B3GAT2: variants seen among roughly 807,000 people sequenced by gnomAD.
B3GAT2 encodes the protein galactosylgalactosylxylosylprotein 3-beta-glucuronosyltransferase 2.
In B3GAT2, 26 loss-of-function variants were observed where a neutral mutation model predicts 27.8. The observed-to-expected ratio is 0.93, with a 90% CI of 0.68 to 1.30. The LOEUF is 1.30. B3GAT2 is among the 50% of genes most tolerant of loss of function. The pLI, the probability that B3GAT2 is intolerant of heterozygous loss-of-function variation, is 0.00. For missense variants in B3GAT2, 458 were observed against 459.0 expected, an observed-to-expected ratio of 1.00 and a Z score of 0.02; for synonymous variants, 218 against 195.1, an observed-to-expected ratio of 1.12 and a Z score of -0.98.
rs1331669977 is a variant in B3GAT2, at chr6:70,955,731, G to A, written c.591+108C>T. 5 of 1,284,396 alleles carry A rather than the reference G, an allele frequency of 3.9e-6. No individual in the cohort carries two copies. The African/African-American group carries it at 4.7e-5, about 12-fold the overall frequency. 79.6% of individuals were successfully genotyped at this position (1,284,396 alleles called of 1,614,324 possible). A position where few individuals can be genotyped will look rare whatever the true frequency, so the allele number is the denominator to read the frequency against. ...GCCCCGAATGCGCGCACGGAGAACTGAGAACTCAAAAGTGCACCCGGAGTG... is the reference window on the plus strand; with the variant it reads ...GCCCCGAATGCGCGCACGGAGAACTAAGAACTCAAAAGTGCACCCGGAGTG... On this transcript the variant is annotated intron_variant, in intron 1 of 3. Transcript: ENST00000230053.
At chr6:70,925,236 C>T (rs1050342437) in intron 1 of B3GAT2, among the ~76,000 whole-genome samples, 20 of 152,112 alleles carry the variant, frequency 1.3e-4, no homozygotes, top group Admixed American at 7.2e-4. Flanking sequence ...GCGTGAGTGA[C>T]GCAGAAGACA....
intron 1 of B3GAT2, among the ~76,000 whole-genome samples, chr6:70,940,714 G>A (rs1765379441): frequency 2.0e-5 from 3 of 152,090 alleles, no homozygotes; most frequent in Admixed American, 1.3e-4. Flanking sequence ...CATCACCTGA[G>A]GTCAGGAGTT....
chr6:70,871,633 CTAAG>C (rs1771940246), intron 2 of B3GAT2, among the ~76,000 whole-genome samples: 1 of 151,900 alleles, frequency 6.6e-6, no homozygotes, highest in South Asian at 2.1e-4. Flanking sequence ...TCTTGACAGT[CTAAG>C]TAAAGGTTTC....
intron 1 of B3GAT2, among the ~76,000 whole-genome samples, chr6:70,940,563 G>A (rs188040712): frequency 8.5e-5 from 13 of 152,144 alleles, no homozygotes; most frequent in South Asian, 8.3e-4. Context: ...TTGTGCCAAC[G>A]ATAATCACTG....
chr6:70,897,788 T>A (rs888164329), intron 1 of B3GAT2, among the ~76,000 whole-genome samples: 1 of 152,056 alleles, frequency 6.6e-6, no homozygotes, highest in African/African-American at 2.4e-5. Context: ...CAGTTAATTT[T>A]TATATATGGT....
chr6:70,902,637 T>TATATATATATATATATATAC (rs1491331231), intron 1 of B3GAT2, among the ~76,000 whole-genome samples: 2 of 133,424 alleles, frequency 1.5e-5, no homozygotes, highest in East Asian at 2.4e-4. Flanking sequence ...TATATATATA[T>TATATATATATATATATATAC]ACACACACAC....
chr6:70,912,616 C>A (rs571186343), intron 1 of B3GAT2, among the ~76,000 whole-genome samples: 1 of 151,112 alleles, frequency 6.6e-6, no homozygotes, highest in Admixed American at 6.6e-5. Flanking sequence ...TCCCAGTTTT[C>A]GTTATCAGGA....
At chr6:70,885,661 C>A (rs1772173048) in intron 2 of B3GAT2, among the ~76,000 whole-genome samples, 1 of 152,128 alleles carries the variant, frequency 6.6e-6, no homozygotes, top group Non-Finnish European at 1.5e-5. Context: ...AGTGATCTCA[C>A]AAAGCTACAA....
In B3GAT2 at chr6:70,928,403, G is replaced by T. The variant is rs901287512; in HGVS notation, c.591+27436C>A. 2.6e-4 allele frequency among the ~76,000 whole-genome samples: 40 copies of T among 151,958 alleles called. 1 individual carries two copies. Among genetic ancestry groups the T allele is most frequent in the Admixed American group, 2.3e-3 (35 of 15,252 alleles). On this transcript the variant is annotated intron_variant, in intron 1 of 3. Coordinates refer to ENST00000230053, the MANE Select transcript of B3GAT2 (RefSeq NM_080742.3). ...AAAAAATCAATGAATCTAGGAATTG[G>T]TTTTTTGAAAAGATCAACAAAATTG... is the stretch of plus-strand genomic sequence containing the variant.
intron 2 of B3GAT2, among the ~76,000 whole-genome samples, chr6:70,870,444 T>A (rs928229546): frequency 6.8e-5 from 10 of 147,532 alleles, no homozygotes; most frequent in African/African-American, 2.5e-4. Context: ...TAATGCTAAA[T>A]GACGAGTTAA....
intron 2 of B3GAT2, among the ~76,000 whole-genome samples, chr6:70,871,222 GTTTTTT>G (rs11367700): frequency 1.5e-5 from 1 of 65,632 alleles, no homozygotes; most frequent in Non-Finnish European, 3.7e-5. Context: ...TTTTTTTTTT[GTTTTTT>G]TTTTTTCTTC....
At chr6:70,943,211 T>C (rs781149602) in intron 1 of B3GAT2, among the ~76,000 whole-genome samples, 46 of 152,220 alleles carry the variant, frequency 3.0e-4, no homozygotes, top group Admixed American at 1.4e-3. Flanking sequence ...ATTTTGTTTT[T>C]AATCCAAGGA....
At chr6:70,926,168 G>C (rs1441094074) in intron 1 of B3GAT2, among the ~76,000 whole-genome samples, 1 of 152,136 alleles carries the variant, frequency 6.6e-6, no homozygotes, top group African/African-American at 2.4e-5. Context: ...AACCCCATCT[G>C]TAGGTCACCA....
chr6:70,900,407 CTCTT>C (rs1772478125), intron 1 of B3GAT2, among the ~76,000 whole-genome samples: 1 of 119,612 alleles, frequency 8.4e-6, no homozygotes, highest in East Asian at 2.8e-4. Flanking sequence ...CAACAACCGG[CTCTT>C]TTTTTTTTTT....
chr6:70,908,706 TA>T (rs1347062124), intron 1 of B3GAT2, among the ~76,000 whole-genome samples: 2 of 151,992 alleles, frequency 1.3e-5, no homozygotes, highest in Non-Finnish European at 2.9e-5. Flanking sequence ...TGACTAAGGA[TA>T]AGGATAAAGG....
At chr6:70,937,784 A>C (rs1582393594) in intron 1 of B3GAT2, among the ~76,000 whole-genome samples, 1 of 152,192 alleles carries the variant, frequency 6.6e-6, no homozygotes, top group Admixed American at 6.5e-5. Flanking sequence ...TGACAAGCCC[A>C]CAGCCAATAT....
chr6:70,890,266 C>T (rs769085828), intron 2 of B3GAT2, among the ~76,000 whole-genome samples: 4 of 152,212 alleles, frequency 2.6e-5, no homozygotes, highest in East Asian at 1.9e-4. Context: ...CTGGCTCCCC[C>T]CCTGCAGTCA....
rs371365990 is a variant in B3GAT2 at position 70,933,953 on chromosome 6, G to A, written c.591+21886C>T. On this transcript the variant is annotated intron_variant, in intron 1 of 3. Transcript: ENST00000230053. ...TATTATTATCAGGTCCTATGAGGGA[G>A]CTGGATATCAGGGCTTTTCCTCATT... 3.8e-4 allele frequency among the ~76,000 whole-genome samples: 58 copies of A among 152,342 alleles called. 1 individual carries two copies. The East Asian group carries it at 0.01, about 26-fold the overall frequency.
chr6:70,927,474 G>A (rs1049024417), intron 1 of B3GAT2, among the ~76,000 whole-genome samples: 1 of 152,164 alleles, frequency 6.6e-6, no homozygotes, highest in Non-Finnish European at 1.5e-5. Context: ...ATAAAGGGAT[G>A]GAGGAAGATC....
Sources: gnomAD v4.1 joint callset for allele counts (sites outside exome capture counted in the v4.1 genomes callset) on GRCh38, gnomAD v4.1.1 for gene constraint, MANE v1.5 for transcripts, NCBI Gene and HGNC (gene_info 2026-07-23, HGNC 2026-07-21) for gene names.